ZNF423: variants seen among roughly 807,000 people sequenced by gnomAD.
ZNF423 encodes the protein Ebf-associated zinc finger protein.
A neutral mutation model predicts 95.8 loss-of-function variants in ZNF423; 12 were observed. That is an observed-to-expected ratio of 0.13 (90% CI 0.08 to 0.20). ZNF423 has a LOEUF of 0.20. ZNF423 is among the 10% of genes least tolerant of loss of function. The pLI is 1.00. For synonymous variants in ZNF423, 749 were observed against 711.9 expected, an observed-to-expected ratio of 1.05 and a Z score of -0.83; for missense variants, 1,316 against 1,737.1, an observed-to-expected ratio of 0.76 and a Z score of 4.31.
At chr16:49,783,893 C>T (rs1428803562) in intron 2 of ZNF423, among the ~76,000 whole-genome samples, 2 of 150,598 alleles carry the variant, frequency 1.3e-5, no homozygotes, top group African/African-American at 4.9e-5. Flanking sequence ...TCGTTTGAAC[C>T]TGGGAGGTGG....
rs16947741 is a variant in ZNF423 at position 49,637,307 on chromosome 16, C to T, written c.1869G>A (p.Pro623=). 0.029 allele frequency: 47,450 copies of T among 1,614,166 alleles called. 890 individuals carry two copies. The highest frequency in any genetic ancestry group is 0.084 in the Middle Eastern group (512 of 6,062). ...PVSSDVEVSS[P]KRQRLSASAN... is the part of the protein sequence containing the mutation. ...CGCTTGCTGAGAGCCGCTGCCGCTT[C>T]GGGGAAGACACCTCCACATCGGACG... Residue 623 remains proline, a synonymous_variant, in exon 4 of 8, where the codon CCG becomes CCA. Transcript: ENST00000563137. This position sits in a 1 kb window ranked among gnomAD's most constrained non-coding sequence, Gnocchi z 5.6.
intron 5 of ZNF423, among the ~76,000 whole-genome samples, chr16:49,609,505 C>T (rs1343030981): frequency 6.6e-6 from 1 of 151,760 alleles, no homozygotes; most frequent in Middle Eastern, 3.2e-3. Flanking sequence ...AGAAGTCCAG[C>T]AAAGACCTAG....
chr16:49,653,311 C>CAAAAAAA (rs5816652), intron 3 of ZNF423, among the ~76,000 whole-genome samples: 1 of 99,196 alleles, frequency 1.0e-5, no homozygotes, highest in African/African-American at 4.0e-5. Flanking sequence ...CAAGAACCAC[C>CAAAAAAA]AAAAAAAAAA....
chr16:49,849,811 G>A (rs1597062923), intron 1 of ZNF423, among the ~76,000 whole-genome samples: 1 of 152,238 alleles, frequency 6.6e-6, no homozygotes, highest in East Asian at 1.9e-4. Context: ...CTCCGACATT[G>A]TGTAATTGAC....
chr16:49,805,142 C>G (rs2034642233), intron 1 of ZNF423, among the ~76,000 whole-genome samples: 1 of 151,976 alleles, frequency 6.6e-6, no homozygotes, highest in Admixed American at 6.6e-5. Flanking sequence ...CTCAGGTGAT[C>G]CACCTGCCTC....
chr16:49,490,781 A>T lies in ZNF423; in HGVS notation c.*494T>A, dbSNP rs1366765157. The T allele has an allele frequency of 6.4e-6, 1 of 155,664 alleles. No homozygotes were observed. Among genetic ancestry groups the T allele is most frequent in the African/African-American group, 2.4e-5 (1 of 41,244 alleles). 9.6% of individuals were successfully genotyped at this position (155,664 alleles called of 1,614,324 possible). A position where few individuals can be genotyped will look rare whatever the true frequency, so the allele number is the denominator to read the frequency against. On this transcript the variant is annotated 3_prime_UTR_variant, in exon 8 of 8. Transcript: ENST00000563137. Reference sequence around the variant, plus strand: ...AGCATTAGTCTTTAATTAAAAAATTAAAAGGAAATATTCAGACAATAGCCA... The same window carrying T: ...AGCATTAGTCTTTAATTAAAAAATTTAAAGGAAATATTCAGACAATAGCCA...
intron 3 of ZNF423, among the ~76,000 whole-genome samples, chr16:49,714,668 C>T (rs549514872): frequency 2.0e-5 from 3 of 151,384 alleles, no homozygotes; most frequent in Non-Finnish European, 4.4e-5. Flanking sequence ...ATGGCTCACA[C>T]CTGTAATCCC....
chr16:49,680,966 C>G (rs1468920713), intron 3 of ZNF423, among the ~76,000 whole-genome samples: 1 of 152,220 alleles, frequency 6.6e-6, no homozygotes, highest in African/African-American at 2.4e-5. Flanking sequence ...GCTAGAATCA[C>G]AGGTATGAGC....
chr16:49,592,793 C>T (rs1971050620), intron 5 of ZNF423, among the ~76,000 whole-genome samples: 1 of 152,228 alleles, frequency 6.6e-6, no homozygotes, highest in Admixed American at 6.5e-5. Flanking sequence ...GCTATCCCCT[C>T]GCCTCCCCTC....
At chr16:49,611,104 G>A (rs1017450628) in intron 5 of ZNF423, among the ~76,000 whole-genome samples, 7 of 151,980 alleles carry the variant, frequency 4.6e-5, no homozygotes, top group Non-Finnish European at 8.8e-5. Flanking sequence ...GGACAACTAC[G>A]CAGAAAATCA....
chr16:49,823,134 G>A (rs746928008), intron 1 of ZNF423, among the ~76,000 whole-genome samples: 17 of 152,166 alleles, frequency 1.1e-4, no homozygotes, highest in Admixed American at 9.8e-4. Context: ...TCTCACCAGC[G>A]ATGCTAATGG....
chr16:49,661,155 T>C (rs947389150), intron 3 of ZNF423, among the ~76,000 whole-genome samples: 10 of 150,112 alleles, frequency 6.7e-5, no homozygotes, highest in Non-Finnish European at 1.5e-4. Flanking sequence ...GACGCAGAGG[T>C]TGCAGTAAGC....
intron 3 of ZNF423, among the ~76,000 whole-genome samples, chr16:49,709,937 C>A (rs574445941): frequency 1.3e-5 from 2 of 152,004 alleles, no homozygotes; most frequent in Admixed American, 6.6e-5. Context: ...GCAGCCAGAG[C>A]GGACTGAGGC....
intron 1 of ZNF423, among the ~76,000 whole-genome samples, chr16:49,793,910 C>T (rs1419503663): frequency 6.6e-6 from 1 of 152,236 alleles, no homozygotes; most frequent in African/African-American, 2.4e-5. Flanking sequence ...AGCCCCTCTG[C>T]ACACTGGGAG....
chr16:49,683,192 C>T (rs2031436158), intron 3 of ZNF423, among the ~76,000 whole-genome samples: 1 of 152,114 alleles, frequency 6.6e-6, no homozygotes, highest in Non-Finnish European at 1.5e-5. Flanking sequence ...TCAGCTCTCC[C>T]GTGTGGATCA....
chr16:49,673,423 C>T (rs143896382), intron 3 of ZNF423, among the ~76,000 whole-genome samples: 4 of 152,360 alleles, frequency 2.6e-5, no homozygotes, highest in East Asian at 3.9e-4. Context: ...CTCCCACCAG[C>T]GTGAGCGGTG....
At chr16:49,647,655 A>G (rs1439205825) in intron 3 of ZNF423, among the ~76,000 whole-genome samples, 3 of 152,224 alleles carry the variant, frequency 2.0e-5, no homozygotes, top group African/African-American at 7.2e-5. Flanking sequence ...AAATGTGAGC[A>G]GCCTCTAAGA....
intron 3 of ZNF423, among the ~76,000 whole-genome samples, chr16:49,652,324 T>C (rs1472706727): frequency 6.6e-6 from 1 of 150,796 alleles, no homozygotes; most frequent in Non-Finnish European, 1.5e-5. Context: ...TCGAGTTTTA[T>C]TGCAGAAATT....
At chr16:49,565,468 C>A (rs894293648) in intron 5 of ZNF423, among the ~76,000 whole-genome samples, 1 of 152,224 alleles carries the variant, frequency 6.6e-6, no homozygotes, top group Admixed American at 6.5e-5. Context: ...CTCACTAGGG[C>A]TCTGCCCAGG....
Sources: allele counts gnomAD v4.1 joint callset (sites outside exome capture counted in the v4.1 genomes callset), GRCh38; gene constraint gnomAD v4.1.1; non-coding constraint Gnocchi (gnomAD v3.1); transcripts MANE v1.5; gene names NCBI Gene and HGNC (gene_info 2026-07-23, HGNC 2026-07-21).